The following DDX54 variants were observed in gnomAD, a reference collection of about 807,000 sequenced individuals.
The protein encoded by DDX54 is ATP-dependent RNA helicase DDX54.
In DDX54, 67 loss-of-function variants were observed where a neutral mutation model predicts 105.5. The ratio of observed to expected loss-of-function variants is 0.64; its 90% CI spans 0.52 to 0.78. The LOEUF (loss-of-function observed/expected upper bound fraction) is 0.78. DDX54 is among the 30% of genes least tolerant of loss of function. The pLI, the probability that DDX54 is intolerant of heterozygous loss-of-function variation, is 0.00. For missense variants in DDX54, 1,206 were observed against 1,230.5 expected, an observed-to-expected ratio of 0.98 and a Z score of 0.30; for synonymous variants, 514 against 509.9, an observed-to-expected ratio of 1.01 and a Z score of -0.11.
At chr12:113,161,130 C>T (rs1419789646) in intron 19 of DDX54, 140 bp downstream of exon 19, 2 of 561,484 alleles carry the variant, frequency 3.6e-6, no homozygotes, top group Non-Finnish European at 5.9e-6. Context: ...TGGAGGGACC[C>T]AGGGTTTTGG....
chr12:113,181,129 T>C, intron 1 of DDX54, 71 bp from the exon 2 acceptor site: 2 of 1,518,726 alleles, frequency 1.3e-6, no homozygotes, highest in Non-Finnish European at 1.8e-6. Context: ...GGAAGGGGCC[T>C]GTGCTGTTGC....
chr12:113,163,321 G>A lies in DDX54; in HGVS notation c.1939-47C>T. On this transcript the variant is annotated intron_variant, in intron 15 of 19. Coordinates refer to ENST00000306014, the MANE Select transcript of DDX54 (RefSeq NM_024072.4). The surrounding 1 kb of genome is among the most constrained non-coding windows in gnomAD (Gnocchi z 5.9). ...CCCAGTGTCATGCCTGCTGCCCCCT[G>A]GGGACTTCCCCCTGCCTCCCTACCC... 6.4e-7 allele frequency: 1 copy of A among 1,572,286 alleles called. No individual in the cohort carries two copies. Among genetic ancestry groups the A allele is most frequent in the Non-Finnish European group, 8.6e-7 (1 of 1,159,542 alleles).
At position 113,166,007 on chromosome 12, in the gene DDX54, C is replaced by G. The variant is rs571000437; in HGVS notation, c.1440G>C (p.Leu480=). 6.2e-7 allele frequency: 1 copy of G among 1,609,488 alleles called. No individual in the cohort carries two copies. Among genetic ancestry groups the G allele is most frequent in the Admixed American group, 1.7e-5 (1 of 60,018 alleles). ...PSGVAGVDGM[L]GRVPQSVVDE... is the part of the protein sequence containing the mutation. ...CCACCACACTCTGTGGCACCCGACC[C>G]AGCATGCCATCCACACCGGCCACAC... Residue 480 remains leucine (L), a synonymous_variant, in exon 13 of 20, where the codon CTG becomes CTC. Transcript: ENST00000306014.
At position 113,164,281 on chromosome 12, in the gene DDX54, A is replaced by G; in HGVS notation, c.1724T>C (p.Ile575Thr). The G allele has an allele frequency of 6.3e-7, 1 of 1,587,250 alleles. No homozygotes were observed. The highest frequency in any genetic ancestry group is 1.3e-5 in the African/African-American group (1 of 74,694). ...SIKNYRSRAT[I>T]FEINASSRDL... The stretch of plus-strand genomic sequence containing the variant: ...TCGGCTGGAGGCGTTGATCTCAAAG[A>G]TAGTCTGTGGAGGGGACACCCAGTC... The change falls in exon 15 of 20, where the codon ATC becomes ACC. Residue 575 changes from isoleucine (I) to threonine (T), a missense_variant. Ile to Thr is a moderately conservative substitution (Grantham distance 89, BLOSUM62 -1). Around this residue, in one of 3 missense-constraint regions of DDX54, gnomAD observed 961 missense variants for 1,019.1 expected, o/e 0.94. Transcript: ENST00000306014.
chr12:113,162,600 T>A (rs1297272390), intron 17 of DDX54: 3 of 317,530 alleles, frequency 9.4e-6, no homozygotes, highest in Middle Eastern at 9.4e-4. Context: ...TCACTCACCC[T>A]GGGCCTGGAG....
At chr12:113,167,169 G>A (rs1253389199) in intron 12 of DDX54, among the ~76,000 whole-genome samples, 1 of 152,080 alleles carries the variant, frequency 6.6e-6, no homozygotes, top group Non-Finnish European at 1.5e-5. Context: ...TTGAGTGCAG[G>A]AGTTCAATAC....
In DDX54 at chr12:113,166,039, C is replaced by T; in HGVS notation, c.1415-7G>A. On this transcript the variant is annotated splice_region_variant and splice_polypyrimidine_tract_variant and intron_variant, in intron 12 of 19. Coordinates refer to ENST00000306014, the MANE Select transcript of DDX54 (RefSeq NM_024072.4). ...CCATCCACACCGGCCACACCTGCAC[C>T]CCACACAGCACCTTGTCAGAGGTCT... The T allele has an allele frequency of 6.2e-7, 1 of 1,600,474 alleles. No individual in the cohort carries two copies. Among genetic ancestry groups the T allele is most frequent in the Non-Finnish European group, 8.5e-7 (1 of 1,178,596 alleles).
Position 113,174,522 on chromosome 12 carries a change from T to C in DDX54, c.1068+118A>G, listed in dbSNP as rs374754532. 387 of 1,404,722 alleles carry C rather than the reference T, an allele frequency of 2.8e-4. No individual in the cohort carries two copies. In the African/African-American group the frequency reaches 5.0e-3, roughly 18 times the overall value. 87.0% of individuals were successfully genotyped at this position (1,404,722 alleles called of 1,614,324 possible). A position where few individuals can be genotyped will look rare whatever the true frequency, so the allele number is the denominator to read the frequency against. On this transcript the variant is annotated intron_variant, in intron 10 of 19. Transcript: ENST00000306014. ...AAAATAAAAATAAAAATGACCATCT[T>C]GAGCCCAGGCCCAGGCTCCTGGTCC...
chr12:113,177,138 G>C (rs1427166641), intron 5 of DDX54, 45 bp from the exon 6 acceptor site: 3 of 1,603,796 alleles, frequency 1.9e-6, no homozygotes, highest in Non-Finnish European at 2.6e-6. Context: ...AGGTCTCTTT[G>C]GTTTCCCTTC....
In DDX54 at chr12:113,179,953, T is replaced by C. The variant is rs1952446798; in HGVS notation, c.357A>G (p.Pro119=). Residue 119 remains proline (P), a synonymous_variant, in exon 3 of 20, where the codon CCA becomes CCG. Transcript: ENST00000306014. ...CCCTCACCTTCCTCTGGATGGGTGT[T>C]GGCACCTTGTACCCCTTCTTCATGA... is the stretch of plus-strand genomic sequence containing the variant. ...KGIMKKGYKV[P]TPIQRKTIPV... 1 of 1,614,000 alleles carries C rather than the reference T, an allele frequency of 6.2e-7. No individual in the cohort carries two copies. Among genetic ancestry groups the C allele is most frequent in the South Asian group, 1.1e-5 (1 of 91,086 alleles).
chr12:113,159,162 C>A, intron 19 of DDX54, 53 bp from the exon 20 acceptor site: 1 of 1,519,816 alleles, frequency 6.6e-7, no homozygotes, highest in Non-Finnish European at 8.8e-7. Flanking sequence ...TCCCAAGATC[C>A]CCTCCTCCCA....
Position 113,172,500 on chromosome 12 carries a change from T to C in DDX54, c.1132A>G (p.Lys378Glu). The change falls in exon 11 of 20, where the codon AAG (lysine) becomes GAG (glutamate). Residue 378 changes from lysine (K) to glutamate (E), a missense_variant. Physicochemically the swap from Lys to Glu is moderately conservative, Grantham distance 56. This residue lies in a region of DDX54 where 961 missense variants were observed against 1,019.1 expected (regional missense o/e 0.94). Transcript: ENST00000306014. ...IYSALDPTAR[K>E]INLAKFTLGK... The stretch of plus-strand genomic sequence containing the variant: ...AGCGTGAATTTGGCGAGATTGATCT[T>C]GCGGGCTGTCGGGTCTAGGGCACTG... 4 of 1,614,248 alleles carry C rather than the reference T, an allele frequency of 2.5e-6. No individual in the cohort carries two copies. The highest frequency in any genetic ancestry group is 3.4e-6 in the Non-Finnish European group (4 of 1,180,046).
intron 12 of DDX54, among the ~76,000 whole-genome samples, chr12:113,168,834 G>A (rs920360287): frequency 2.0e-5 from 3 of 152,184 alleles, no homozygotes; most frequent in Non-Finnish European, 4.4e-5. Context: ...GGAGGCTGAG[G>A]CAGGAGAATC....
chr12:113,159,882 A>G (rs534125250), intron 19 of DDX54, among the ~76,000 whole-genome samples: 1 of 152,202 alleles, frequency 6.6e-6, no homozygotes. Flanking sequence ...TTCCCCATTC[A>G]TAACAGCAGC....
Position 113,165,959 on chromosome 12 carries a change from C to T in DDX54, c.1488G>A (p.Gln496=). Residue 496 remains glutamine (Q), a synonymous_variant, in exon 13 of 20, where the codon CAG becomes CAA. Coordinates refer to ENST00000306014, the MANE Select transcript of DDX54 (RefSeq NM_024072.4). ...GCTCCAGCGATGCCTCCAGGGTGCT[C>T]TGCAGACCACTGTCCTCCTCGTCCA... ...SVVDEEDSGL[Q]STLEASLELR... 1 of 1,613,462 alleles carries T rather than the reference C, an allele frequency of 6.2e-7. No individual in the cohort carries two copies. The highest frequency in any genetic ancestry group is 8.5e-7 in the Non-Finnish European group (1 of 1,180,022).
Position 113,159,064 on chromosome 12 carries a change from C to A in DDX54, c.2459G>T (p.Arg820Leu), listed in dbSNP as rs143647024. 1 of 1,608,744 alleles carries A rather than the reference C, an allele frequency of 6.2e-7. No individual in the cohort carries two copies. ...CTGCTGCTTGGTCTTGAGTTCCGGG[C>A]GGACTCGGCCTGCAGGGGTGCCTGG... ...HAPGTPAGRV[R>L]PELKTKQQIL... is the part of the protein sequence containing the mutation. Residue 820 changes from arginine (R) to leucine (L), a missense_variant, in exon 20 of 20, where the codon CGC (arginine) becomes CTC (leucine). Coordinates refer to ENST00000306014, the MANE Select transcript of DDX54 (RefSeq NM_024072.4).
At chr12:113,166,225 C>T (rs555739331) in intron 12 of DDX54, among the ~76,000 whole-genome samples, 193 bp from the exon 13 acceptor site, 1 of 152,336 alleles carries the variant, frequency 6.6e-6, no homozygotes, top group South Asian at 2.1e-4. Context: ...CAGGGGTCAA[C>T]AAACTGCGGC....
intron 12 of DDX54, among the ~76,000 whole-genome samples, chr12:113,169,143 C>A (rs1326884896): frequency 6.6e-6 from 1 of 152,026 alleles, no homozygotes; most frequent in Admixed American, 6.6e-5. Flanking sequence ...AGCTTAGCAC[C>A]CAGATCCAAC....
chr12:113,160,880 G>A (rs1952195210), intron 19 of DDX54, among the ~76,000 whole-genome samples: 1 of 152,166 alleles, frequency 6.6e-6, no homozygotes, highest in African/African-American at 2.4e-5. Flanking sequence ...GCCTGCATTT[G>A]CACAAGGTTC....
Sources: allele counts gnomAD v4.1 joint callset (sites outside exome capture counted in the v4.1 genomes callset), GRCh38; gene constraint gnomAD v4.1.1; regional missense constraint gnomAD v4.1.1; non-coding constraint Gnocchi (gnomAD v3.1); transcripts MANE v1.5; gene names NCBI Gene and HGNC (gene_info 2026-07-23, HGNC 2026-07-21).